Variants in GALR1 observed in about 807,000 individuals in gnomAD.
GALR1 encodes the protein galanin receptor 1, also known as galanin receptor type 1.
In GALR1, 11 loss-of-function variants were observed where a neutral mutation model predicts 17.9. The observed-to-expected ratio is 0.62, with a 90% confidence interval of 0.39 to 1.02. GALR1 has a LOEUF of 1.02. GALR1 is among the 50% of genes least tolerant of loss of function. GALR1 has a pLI of 0.01. For missense variants in GALR1, 441 were observed against 456.9 expected (o/e 0.97, Z 0.32); for synonymous variants, 206 against 205.7 (o/e 1.00, Z -0.01).
intron 2 of GALR1, among the ~76,000 whole-genome samples, chr18:77,259,915 G>C (rs1363680204): frequency 6.6e-6 from 1 of 152,146 alleles, no homozygotes; most frequent in East Asian, 1.9e-4. Context: ...CAGGAACTGG[G>C]TTGGTCCATC....
intron 2 of GALR1, among the ~76,000 whole-genome samples, chr18:77,261,319 A>G (rs2144962279): frequency 6.6e-6 from 1 of 152,322 alleles, no homozygotes; most frequent in African/African-American, 2.4e-5. Context: ...TAAATAGACA[A>G]AGGAGGGAAG....
Position 77,258,827 on chromosome 18 carries a change from C to G in GALR1, c.732+2604C>G, listed in dbSNP as rs375032327. On this transcript the variant is annotated intron_variant, in intron 2 of 2. Transcript: ENST00000299727. ...GGTGGTGGTCATAGTGGTGGTGGTG[C>G]TGGTGATGGTGGTGATGGTGGTGGT... is the stretch of plus-strand genomic sequence containing the variant. 3.4e-3 allele frequency among the ~76,000 whole-genome samples: 69 copies of G among 20,388 alleles called. 3 individuals carry two copies. The highest frequency in any genetic ancestry group is 0.011 in the African/African-American group (56 of 5,244). The allele number at this position is 20,388 out of a possible 152,430, so 13.4% of individuals were successfully genotyped here.
At chr18:77,258,287 T>G (rs1189418325) in intron 2 of GALR1, among the ~76,000 whole-genome samples, 2 of 152,252 alleles carry the variant, frequency 1.3e-5, no homozygotes, top group Non-Finnish European at 2.9e-5. Context: ...ATCTTTTGCT[T>G]ATTCTTACCA....
At chr18:77,253,010 C>CCACCACCACCACCATCACCACCAT (rs1912502082) in intron 1 of GALR1, among the ~76,000 whole-genome samples, 1 of 62,618 alleles carries the variant, frequency 1.6e-5, no homozygotes, top group African/African-American at 6.1e-5. Context: ...ACCACCACCA[C>CCACCACCACCACCATCACCACCAT]CACCACCACC....
At position 77,249,913 on chromosome 18, in the gene GALR1, T is replaced by C. The variant is rs1469990933; in HGVS notation, c.-636T>C. On this transcript the variant is annotated 5_prime_UTR_variant, in exon 1 of 3. Transcript: ENST00000299727. Reference sequence around the variant, plus strand: ...CGACTCTATCCACCACCAGGAAGCCTCCCAAAAGAGCTCTCGCCCTGTGGA... The same window carrying C: ...CGACTCTATCCACCACCAGGAAGCCCCCCAAAAGAGCTCTCGCCCTGTGGA... Among the ~76,000 whole-genome samples, 2 of 152,122 alleles carry C rather than the reference T, an allele frequency of 1.3e-5. No individual in the cohort carries two copies. Among genetic ancestry groups the C allele is most frequent in the Non-Finnish European group, 2.9e-5 (2 of 68,018 alleles).
At chr18:77,259,007 T>G (rs1912720982) in intron 2 of GALR1, among the ~76,000 whole-genome samples, 1 of 46,418 alleles carries the variant, frequency 2.2e-5, no homozygotes, top group African/African-American at 6.4e-5. Flanking sequence ...GTGGTCACAG[T>G]GGTGGTGGTG....
chr18:77,266,834 G>A (rs1381944638), intron 2 of GALR1, among the ~76,000 whole-genome samples: 1 of 152,130 alleles, frequency 6.6e-6, no homozygotes, highest in Non-Finnish European at 1.5e-5. Context: ...CCTCTCACTG[G>A]GTCCCTCCCA....
chr18:77,255,053 A>G (rs1309278594), intron 1 of GALR1, among the ~76,000 whole-genome samples: 1 of 152,224 alleles, frequency 6.6e-6, no homozygotes, highest in African/African-American at 2.4e-5. Context: ...GGCTTTTGCA[A>G]TAAGTTCAAT....
At chr18:77,258,854 ATGGTGGTGG>A (rs1320279452) in intron 2 of GALR1, among the ~76,000 whole-genome samples, 20 of 50,374 alleles carry the variant, frequency 4.0e-4, no homozygotes, top group Middle Eastern at 0.017. Context: ...GGTGGTGGTG[ATGGTGGTGG>A]TGATGGTGGT....
chr18:77,268,862 G>A lies in GALR1; in HGVS notation c.1010G>A (p.Arg337Gln), dbSNP rs928120017. ...HLSDTKESKS[R>Q]IDTPPSTNCT... ...AGTGATACTAAAGAAAGTAAAAGTC[G>A]AATAGACACCCCACCATCAACCAAT... is the stretch of plus-strand genomic sequence containing the variant. Residue 337 changes from arginine to glutamine, a missense_variant, in exon 3 of 3, where the codon CGA (arginine) becomes CAA (glutamine). Arg to Gln is a conservative substitution (Grantham distance 43). Coordinates refer to ENST00000299727, the MANE Select transcript of GALR1 (RefSeq NM_001480.4). The A allele has an allele frequency of 1.9e-6, 3 of 1,613,178 alleles. No individual in the cohort carries two copies. Among genetic ancestry groups the A allele is most frequent in the African/African-American group, 2.7e-5 (2 of 74,902 alleles).
Position 77,267,318 on chromosome 18 carries a change from G to A in GALR1, c.733-1267G>A, listed in dbSNP as rs955451506. ...TTTCCCTGCAGCTCAGCTGCCCAGT[G>A]CATGGGCTGGGGAGCATGTCGGCCT... On this transcript the variant is annotated intron_variant, in intron 2 of 2. Coordinates refer to ENST00000299727, the MANE Select transcript of GALR1 (RefSeq NM_001480.4). 3.3e-5 allele frequency among the ~76,000 whole-genome samples: 5 copies of A among 152,220 alleles called. No homozygotes were observed. In the South Asian group the frequency reaches 1.0e-3, roughly 32 times the overall value.
In GALR1 at chr18:77,258,707, A is replaced by G. The variant is rs371203071; in HGVS notation, c.732+2484A>G. Among the ~76,000 whole-genome samples, 79 of 10,964 alleles carry G rather than the reference A, an allele frequency of 7.2e-3. 1 individual carries two copies. The East Asian group carries it at 0.072, about 10-fold the overall frequency. 7.2% of individuals were successfully genotyped at this position (10,964 alleles called of 152,430 possible). A position where few individuals can be genotyped will look rare whatever the true frequency, so the allele number is the denominator to read the frequency against. ...TGGTGATGGTGGTGGTGGTCATGTG[A>G]TGGTGGTGCTGGTGATGGTGGTGAT... On this transcript the variant is annotated intron_variant, in intron 2 of 2. Coordinates refer to ENST00000299727, the MANE Select transcript of GALR1 (RefSeq NM_001480.4).
intron 1 of GALR1, among the ~76,000 whole-genome samples, chr18:77,252,050 T>C (rs1244661983): frequency 6.6e-6 from 1 of 152,202 alleles, no homozygotes; most frequent in Admixed American, 6.5e-5. Flanking sequence ...CGGCGGGTCT[T>C]CACCCTAACT....
chr18:77,277,265 C>A lies in GALR1; in HGVS notation c.*8363C>A, dbSNP rs1208996289. On this transcript the variant is annotated 3_prime_UTR_variant, in exon 3 of 3. Coordinates refer to ENST00000299727, the MANE Select transcript of GALR1 (RefSeq NM_001480.4). ...TATGGTTTGGCTCTGTGTCTCCACC[C>A]AAATCTCACCTTGAATTGTAATAAT... is the stretch of plus-strand genomic sequence containing the variant. 1 of 152,160 alleles carries A rather than the reference C, an allele frequency of 6.6e-6. No homozygotes were observed. Among genetic ancestry groups the A allele is most frequent in the African/African-American group, 2.4e-5 (1 of 41,440 alleles). The allele number at this position is 152,160 out of a possible 1,614,324, so 9.4% of individuals were successfully genotyped here. A position where few individuals can be genotyped will look rare whatever the true frequency, so the allele number is the denominator to read the frequency against.
At chr18:77,252,881 T>TCACCACCATCACCAC (rs1912459340) in intron 1 of GALR1, among the ~76,000 whole-genome samples, 3 of 55,304 alleles carry the variant, frequency 5.4e-5, no homozygotes, top group East Asian at 6.0e-4. Context: ...ACCACCACCA[T>TCACCACCATCACCAC]CACCACCACC....
In GALR1 at chr18:77,276,783, A is replaced by G. The variant is rs991945023; in HGVS notation, c.*7881A>G. On this transcript the variant is annotated 3_prime_UTR_variant, in exon 3 of 3. Transcript: ENST00000299727. The stretch of plus-strand genomic sequence containing the variant: ...GGAATTTAAATCATTCAGAATTTTT[A>G]TTGCTTACATTGATCAGATCCATAA... 6.6e-6 allele frequency: 1 copy of G among 152,214 alleles called. No individual in the cohort carries two copies. The highest frequency in any genetic ancestry group is 2.4e-5 in the African/African-American group (1 of 41,472). The allele number at this position is 152,214 out of a possible 1,614,324, so 9.4% of individuals were successfully genotyped here.
At chr18:77,261,655 G>A (rs1912832585) in intron 2 of GALR1, among the ~76,000 whole-genome samples, 1 of 152,206 alleles carries the variant, frequency 6.6e-6, no homozygotes, top group Non-Finnish European at 1.5e-5. Context: ...GGAAAGACAG[G>A]AAGGAAGTGG....
chr18:77,252,933 C>T (rs1044267561), intron 1 of GALR1, among the ~76,000 whole-genome samples: 1 of 73,200 alleles, frequency 1.4e-5, no homozygotes, highest in Admixed American at 1.2e-4. Flanking sequence ...TCACCACCAC[C>T]ACCACCACCA....
intron 2 of GALR1, among the ~76,000 whole-genome samples, chr18:77,259,024 T>G (rs150555861): frequency 0.013 from 175 of 13,054 alleles, 9 homozygotes; most frequent in Middle Eastern, 0.071. Context: ...GGTGTTGGTG[T>G]TGGTGGTGGT....
Sources: allele counts gnomAD v4.1 joint callset (sites outside exome capture counted in the v4.1 genomes callset), GRCh38; gene constraint gnomAD v4.1.1; transcripts MANE v1.5; gene names NCBI Gene and HGNC (gene_info 2026-07-23, HGNC 2026-07-21).